Variants in AK4 observed in about 807,000 individuals in gnomAD.
AK4 encodes adenylate kinase 4, mitochondrial.
AK4 carries 13 observed loss-of-function variants against 24.6 expected under a neutral mutation model. The ratio of observed to expected loss-of-function variants is 0.53; its 90% CI spans 0.34 to 0.84. AK4 has a LOEUF of 0.84. AK4 is among the 40% of genes least tolerant of loss of function. The pLI, the probability that AK4 is intolerant of heterozygous loss-of-function variation, is 0.01. For synonymous variants in AK4, 88 were observed against 107.0 expected (o/e 0.82, Z 1.10); for missense variants, 192 against 288.2 (o/e 0.67, Z 2.42).
In AK4 at chr1:65,150,285, C is replaced by CTTTT. The variant is rs71703627; in HGVS notation, c.145+1742_145+1745dup. On this transcript the variant is annotated intron_variant, in intron 1 of 4. Transcript: ENST00000327299. ...TTGTTCTCTCTTTCTCTCTCTCTCT[C>CTTTT]TTTTTTTTTTTTAACTTTCCTGTGT... Among the ~76,000 whole-genome samples the CTTTT allele has an allele frequency of 5.5e-3, 771 of 140,896 alleles. 1 individual carries two copies. The highest frequency in any genetic ancestry group is 9.4e-3 in the Non-Finnish European group (609 of 64,464). The allele number at this position is 140,896 out of a possible 152,430, so 92.4% of individuals were successfully genotyped here.
chr1:65,192,440 A>C (rs373664718), intron 2 of AK4, among the ~76,000 whole-genome samples: 6 of 152,236 alleles, frequency 3.9e-5, no homozygotes, highest in African/African-American at 1.4e-4. Context: ...TCCATCTCCC[A>C]TAACATTTCA....
intron 1 of AK4, among the ~76,000 whole-genome samples, chr1:65,165,576 A>AC (rs1483819444): frequency 1.3e-5 from 2 of 149,528 alleles, no homozygotes; most frequent in Non-Finnish European, 3.0e-5. Context: ...AAAAAAAAAA[A>AC]GGAACCTTCA....
intron 3 of AK4, among the ~76,000 whole-genome samples, chr1:65,219,982 C>T (rs559177000): frequency 1.6e-4 from 24 of 152,258 alleles, no homozygotes; most frequent in African/African-American, 5.3e-4. Flanking sequence ...AATGTCATAT[C>T]GTTGGAATCA....
At chr1:65,151,793 C>T (rs1459264027) in intron 1 of AK4, among the ~76,000 whole-genome samples, 1 of 152,136 alleles carries the variant, frequency 6.6e-6, no homozygotes, top group Non-Finnish European at 1.5e-5. Context: ...CTGAGATTAG[C>T]TTCATGGTAG....
intron 1 of AK4, among the ~76,000 whole-genome samples, chr1:65,185,369 A>G (rs1257874914): frequency 2.0e-5 from 3 of 152,124 alleles, no homozygotes; most frequent in East Asian, 1.9e-4. Context: ...CATTTCTAAA[A>G]CTATCTATTT....
chr1:65,169,530 A>G (rs1470913742), intron 1 of AK4, among the ~76,000 whole-genome samples: 1 of 152,202 alleles, frequency 6.6e-6, no homozygotes, highest in African/African-American at 2.4e-5. Flanking sequence ...GAGCTAACAC[A>G]CAGGGTTTTC....
At chr1:65,169,396 G>A (rs1054645319) in intron 1 of AK4, among the ~76,000 whole-genome samples, 1 of 152,142 alleles carries the variant, frequency 6.6e-6, no homozygotes, top group Admixed American at 6.6e-5. Flanking sequence ...CAGAGAGGTA[G>A]TGTGGTTGTA....
At chr1:65,181,409 T>G (rs1241968686) in intron 1 of AK4, among the ~76,000 whole-genome samples, 3 of 152,056 alleles carry the variant, frequency 2.0e-5, no homozygotes, top group African/African-American at 7.2e-5. Flanking sequence ...CCTTTTTTTT[T>G]TTTTTGAGAC....
intron 1 of AK4, among the ~76,000 whole-genome samples, chr1:65,175,235 C>T (rs1214829125): frequency 6.6e-6 from 1 of 152,210 alleles, no homozygotes; most frequent in Non-Finnish European, 1.5e-5. Flanking sequence ...TGAGGAGGTC[C>T]TGTCAGAAGA....
rs191909660 is a variant in AK4, at chr1:65,203,665, G to A, written c.265+12836G>A. On this transcript the variant is annotated intron_variant, in intron 2 of 4. Transcript: ENST00000327299. ...CTAAAAATACAAAAATTAGCCAGGC[G>A]TGGTGGTGTGCACCTGTAATCCCAG... Among the ~76,000 whole-genome samples the A allele has an allele frequency of 4.6e-5, 7 of 152,216 alleles. No homozygotes were observed. The East Asian group carries it at 5.8e-4, about 13-fold the overall frequency.
intron 1 of AK4, among the ~76,000 whole-genome samples, chr1:65,189,563 C>A (rs1651223171): frequency 6.6e-6 from 1 of 152,088 alleles, no homozygotes; most frequent in Non-Finnish European, 1.5e-5. Flanking sequence ...CAGGCATGAG[C>A]CACTGCGCCC....
chr1:65,182,642 A>G (rs1181422102), intron 1 of AK4, among the ~76,000 whole-genome samples: 2 of 152,196 alleles, frequency 1.3e-5, no homozygotes, highest in African/African-American at 4.8e-5. Context: ...ACTAAAGTCA[A>G]TTATTTTGAG....
At chr1:65,206,659 C>T (rs1208710176) in intron 2 of AK4, among the ~76,000 whole-genome samples, 2 of 152,180 alleles carry the variant, frequency 1.3e-5, no homozygotes, top group Non-Finnish European at 2.9e-5. Flanking sequence ...TGTAGTCCAG[C>T]TACTTGGGTG....
intron 1 of AK4, among the ~76,000 whole-genome samples, chr1:65,168,127 T>C (rs1030336206): frequency 6.6e-6 from 1 of 150,906 alleles, no homozygotes; most frequent in African/African-American, 2.4e-5. Flanking sequence ...GTAGCTTTAG[T>C]AGGTTACTCT....
intron 1 of AK4, chr1:65,154,550 G>A: frequency 1.9e-6 from 1 of 524,778 alleles, no homozygotes; most frequent in South Asian, 1.4e-5. Context: ...TGTCGCGTCT[G>A]TTCAAACCGG....
intron 3 of AK4, among the ~76,000 whole-genome samples, chr1:65,222,927 G>A (rs1010426040): frequency 1.2e-4 from 18 of 151,892 alleles, no homozygotes; most frequent in Admixed American, 1.2e-3. Flanking sequence ...AATTCAAAAC[G>A]TGTCCATTTT....
intron 3 of AK4, among the ~76,000 whole-genome samples, chr1:65,224,066 T>C (rs1652379582): frequency 6.6e-6 from 1 of 152,206 alleles, no homozygotes; most frequent in African/African-American, 2.4e-5. Flanking sequence ...TTGTTTTACA[T>C]TGAGAAAGAA....
intron 1 of AK4, chr1:65,154,482 G>C (rs1649906318): frequency 1.9e-6 from 1 of 522,330 alleles, no homozygotes; most frequent in Non-Finnish European, 3.8e-6. Context: ...ACAGCAAGAT[G>C]GGTCACCAGC....
chr1:65,165,578 G>C (rs1179455626), intron 1 of AK4, among the ~76,000 whole-genome samples: 2 of 149,596 alleles, frequency 1.3e-5, no homozygotes, highest in African/African-American at 4.9e-5. Flanking sequence ...AAAAAAAAAG[G>C]AACCTTCATT....
Sources: gnomAD v4.1 joint callset for allele counts (sites outside exome capture counted in the v4.1 genomes callset) on GRCh38, gnomAD v4.1.1 for gene constraint, MANE v1.5 for transcripts, NCBI Gene and HGNC (gene_info 2026-07-23, HGNC 2026-07-21) for gene names.